Variants in KCNIP4 observed in about 807,000 individuals in gnomAD.
The protein encoded by KCNIP4 is potassium voltage-gated channel interacting protein 4.
Under a neutral mutation model 34.0 loss-of-function variants are expected in KCNIP4, and 12 were observed. The observed-to-expected ratio is 0.35, with a 90% CI of 0.23 to 0.57. The LOEUF is 0.57. KCNIP4 is among the 20% of genes least tolerant of loss of function. The probability of loss-of-function intolerance (pLI) is 0.83; values close to 1 mark genes in which losing one functional copy is unlikely to be tolerated. For missense variants in KCNIP4, 238 were observed against 311.7 expected, an observed-to-expected ratio of 0.76 and a Z score of 1.78; for synonymous variants, 124 against 102.2, an observed-to-expected ratio of 1.21 and a Z score of -1.29.
At chr4:21,731,452 G>A (rs544550379) in intron 1 of KCNIP4, among the ~76,000 whole-genome samples, 1 of 152,254 alleles carries the variant, frequency 6.6e-6, no homozygotes, top group South Asian at 2.1e-4. Flanking sequence ...TTTATATGAA[G>A]AGTAGTTTGC....
At chr4:21,727,074 C>G (rs546301024) in intron 1 of KCNIP4, among the ~76,000 whole-genome samples, 2 of 152,080 alleles carry the variant, frequency 1.3e-5, no homozygotes, top group African/African-American at 4.8e-5. Flanking sequence ...AATACTGAAA[C>G]ACATAGAGTG....
chr4:21,891,666 T>A (rs959684810), intron 1 of KCNIP4, among the ~76,000 whole-genome samples: 27 of 152,144 alleles, frequency 1.8e-4, no homozygotes, highest in Non-Finnish European at 3.5e-4. Flanking sequence ...AATCATTTTG[T>A]GTTTTTCTCA....
At chr4:21,312,240 C>T (rs1713263802) in intron 1 of KCNIP4, among the ~76,000 whole-genome samples, 1 of 152,142 alleles carries the variant, frequency 6.6e-6, no homozygotes, top group Non-Finnish European at 1.5e-5. Flanking sequence ...CAAGAGAGAA[C>T]AGAGAACTAA....
intron 1 of KCNIP4, among the ~76,000 whole-genome samples, chr4:21,437,395 C>A (rs1377847091): frequency 6.6e-6 from 1 of 152,146 alleles, no homozygotes; most frequent in African/African-American, 2.4e-5. Context: ...AAAAGCAGTT[C>A]TTGGATATCT....
intron 1 of KCNIP4, among the ~76,000 whole-genome samples, chr4:21,211,293 A>C (rs1272635106): frequency 6.6e-6 from 1 of 152,096 alleles, no homozygotes; most frequent in Non-Finnish European, 1.5e-5. Flanking sequence ...ATTCTACCCT[A>C]TGAGAGGGGC....
At chr4:21,616,472 G>A (rs1744616062) in intron 1 of KCNIP4, among the ~76,000 whole-genome samples, 1 of 152,186 alleles carries the variant, frequency 6.6e-6, no homozygotes, top group African/African-American at 2.4e-5. Flanking sequence ...AACAGGTCCT[G>A]AACACATCCC....
At chr4:21,779,272 C>A (rs763726741) in intron 1 of KCNIP4, among the ~76,000 whole-genome samples, 1 of 151,890 alleles carries the variant, frequency 6.6e-6, no homozygotes, top group Non-Finnish European at 1.5e-5. Flanking sequence ...CAAAACAGGG[C>A]GGCAAGGATG....
intron 1 of KCNIP4, among the ~76,000 whole-genome samples, chr4:21,672,287 A>T (rs967918155): frequency 1.3e-5 from 2 of 152,196 alleles, no homozygotes; most frequent in African/African-American, 4.8e-5. Flanking sequence ...ATAATAATTT[A>T]AAACAAAACA....
intron 1 of KCNIP4, among the ~76,000 whole-genome samples, chr4:21,096,876 G>A (rs1292116770): frequency 6.6e-6 from 1 of 152,052 alleles, no homozygotes; most frequent in East Asian, 1.9e-4. Flanking sequence ...TGACTGAGGA[G>A]GGCTCCTGAA....
At chr4:21,475,000 C>CAA (rs10681441) in intron 1 of KCNIP4, among the ~76,000 whole-genome samples, 1 of 105,686 alleles carries the variant, frequency 9.5e-6, no homozygotes. Context: ...GACTCCATCT[C>CAA]GAAAAACAAA....
intron 1 of KCNIP4, among the ~76,000 whole-genome samples, chr4:21,102,453 C>A (rs1748034194): frequency 6.6e-6 from 1 of 152,052 alleles, no homozygotes; most frequent in African/African-American, 2.4e-5. Context: ...TGAGGCCAGC[C>A]TTGGACATAA....
intron 1 of KCNIP4, among the ~76,000 whole-genome samples, chr4:21,773,742 G>T (rs28760909): frequency 0.49 from 16,674 of 33,828 alleles, 3,536 homozygotes; most frequent in African/African-American, 0.57. Flanking sequence ...GTTTTTTTTT[G>T]TTGTTTTTTT....
chr4:21,851,903 T>C (rs1239613749), intron 1 of KCNIP4: 1 of 152,142 alleles, frequency 6.6e-6, no homozygotes, highest in Non-Finnish European at 1.5e-5. Context: ...AAATTTTTGC[T>C]TTTGAGTTAA....
intron 1 of KCNIP4, among the ~76,000 whole-genome samples, chr4:20,973,030 A>G (rs947263927): frequency 6.6e-6 from 1 of 152,044 alleles, no homozygotes; most frequent in African/African-American, 2.4e-5. Flanking sequence ...TTGGAATGGT[A>G]AATGAGTACT....
At chr4:21,492,102 T>C (rs1261748711) in intron 1 of KCNIP4, among the ~76,000 whole-genome samples, 1 of 152,212 alleles carries the variant, frequency 6.6e-6, no homozygotes, top group Non-Finnish European at 1.5e-5. Context: ...TGGAAATCCA[T>C]GGAGTTGGCC....
chr4:21,449,770 A>G (rs1267899861), intron 1 of KCNIP4, among the ~76,000 whole-genome samples: 1 of 152,022 alleles, frequency 6.6e-6, no homozygotes, highest in Admixed American at 6.6e-5. Context: ...GGTGCTGTGA[A>G]TAGTGGTACT....
chr4:21,565,865 T>C (rs1001329855), intron 1 of KCNIP4, among the ~76,000 whole-genome samples: 1 of 152,114 alleles, frequency 6.6e-6, no homozygotes, highest in African/African-American at 2.4e-5. Flanking sequence ...TGGTGACTGA[T>C]TCTGCCAGAC....
intron 1 of KCNIP4, among the ~76,000 whole-genome samples, chr4:21,431,311 T>C (rs541527490): frequency 6.6e-6 from 1 of 152,160 alleles, no homozygotes; most frequent in East Asian, 1.9e-4. Flanking sequence ...AGAAAGCTTT[T>C]CTTGAGAACA....
intron 1 of KCNIP4, among the ~76,000 whole-genome samples, chr4:20,974,039 A>G (rs750163135): frequency 2.0e-5 from 3 of 152,214 alleles, no homozygotes; most frequent in Admixed American, 6.5e-5. Flanking sequence ...AACTGAGCAC[A>G]TGCTGTTGGA....
Sources: gnomAD v4.1 joint callset for allele counts (sites outside exome capture counted in the v4.1 genomes callset) on GRCh38, gnomAD v4.1.1 for gene constraint, MANE v1.5 for transcripts, NCBI Gene and HGNC (gene_info 2026-07-23, HGNC 2026-07-21) for gene names.